The following TXLNA variants were observed in gnomAD, a reference collection of about 807,000 sequenced individuals.
TXLNA encodes the protein taxilin alpha, also known as alpha-taxilin.
Under a neutral mutation model 61.4 loss-of-function variants are expected in TXLNA, and 9 were observed. That is an observed-to-expected ratio of 0.15 (90% confidence interval 0.09 to 0.26). TXLNA has a LOEUF of 0.26. TXLNA is among the 10% of genes least tolerant of loss of function. The probability of loss-of-function intolerance (pLI) is 1.00; values close to 1 mark genes in which losing one functional copy is unlikely to be tolerated. For synonymous variants in TXLNA, 257 were observed against 267.7 expected, an observed-to-expected ratio of 0.96 and a Z score of 0.39; for missense variants, 565 against 688.8, an observed-to-expected ratio of 0.82 and a Z score of 2.01.
At chr1:32,187,529 C>T (rs182234227) in intron 4 of TXLNA, among the ~76,000 whole-genome samples, 3 of 152,102 alleles carry the variant, frequency 2.0e-5, no homozygotes, top group African/African-American at 7.2e-5. Context: ...ATGAACGCAG[C>T]GCTAACGTTT....
intron 4 of TXLNA, 127 bp from the exon 5 acceptor site, chr1:32,187,827 T>G: frequency 2.0e-6 from 2 of 999,938 alleles, no homozygotes; most frequent in Non-Finnish European, 1.5e-6. Flanking sequence ...CATCAGCCCA[T>G]GAGAGTGCTC....
In TXLNA at chr1:32,193,580, G is replaced by T. The variant is rs532234164; in HGVS notation, c.1251+280G>T. ...TGTTTGAGATGGAGACTCACCTATT[G>T]CCCAGGCTGGAGTGCAGTGGCATGA... On this transcript the variant is annotated intron_variant, in intron 9 of 10. Transcript: ENST00000373610. Among the ~76,000 whole-genome samples, 3 of 152,010 alleles carry T rather than the reference G, an allele frequency of 2.0e-5. No individual in the cohort carries two copies. In the East Asian group the frequency reaches 5.8e-4, roughly 29 times the overall value.
At position 32,197,824 on chromosome 1, in the gene TXLNA, T is replaced by A. The variant is rs926003161; in HGVS notation, c.*2629T>A. 6.6e-6 allele frequency: 1 copy of A among 152,178 alleles called. No homozygotes were observed. Among genetic ancestry groups the A allele is most frequent in the Admixed American group, 6.5e-5 (1 of 15,278 alleles). 9.4% of individuals were successfully genotyped at this position (152,178 alleles called of 1,614,324 possible). A position where few individuals can be genotyped will look rare whatever the true frequency, so the allele number is the denominator to read the frequency against. On this transcript the variant is annotated 3_prime_UTR_variant, in exon 11 of 11. Coordinates refer to ENST00000373610, the MANE Select transcript of TXLNA (RefSeq NM_175852.4). This position sits in a 1 kb window ranked among gnomAD's most constrained non-coding sequence, Gnocchi z 4.6. ...AGGTGTCAGCAGCACTTTTTTTTTT[T>A]ATTTGTTGTTTGTTTTCCATGAGGT...
In TXLNA at chr1:32,180,361, A is replaced by C. The variant is rs765084744; in HGVS notation, c.16A>C (p.Lys6Gln). The C allele has an allele frequency of 2.2e-5, 35 of 1,611,780 alleles. No individual in the cohort carries two copies. The highest frequency in any genetic ancestry group is 5.1e-5 in the Admixed American group (3 of 59,208). The change falls in exon 2 of 11, where the codon AAA (lysine) becomes CAA (glutamine). Residue 6 changes from lysine (K) to glutamine (Q), a missense_variant. Lys to Gln is a moderately conservative substitution (Grantham distance 53). This residue lies in a region of TXLNA where 192 missense variants were observed against 184.8 expected (regional missense o/e 1.04). Coordinates refer to ENST00000373610, the MANE Select transcript of TXLNA (RefSeq NM_175852.4). ...GCTCATCACAATGAAGAACCAAGACAAAAAGAACGGGGCTGCCAAACAATC... is the reference window on the plus strand; with the variant it reads ...GCTCATCACAATGAAGAACCAAGACCAAAAGAACGGGGCTGCCAAACAATC... MKNQD[K>Q]KNGAAKQSNP...
chr1:32,190,932 A>C (rs1195350152), intron 6 of TXLNA, among the ~76,000 whole-genome samples: 1 of 152,068 alleles, frequency 6.6e-6, no homozygotes, highest in African/African-American at 2.4e-5. Flanking sequence ...GTCTCTACTA[A>C]AAATACAAAA....
At chr1:32,184,293 T>C (rs900460345) in intron 3 of TXLNA, among the ~76,000 whole-genome samples, 8 of 152,178 alleles carry the variant, frequency 5.3e-5, no homozygotes, top group Admixed American at 3.3e-4. Context: ...GTACAGTCGT[T>C]CATTTGATAA....
In TXLNA at chr1:32,187,945, T is replaced by C. The variant is rs772189253; in HGVS notation, c.598-9T>C. The stretch of plus-strand genomic sequence containing the variant: ...GATGCTCACCTGCCCTCCCTATCCC[T>C]GTCCCCAGCTGGAGGAGCACCGGAA... On this transcript the variant is annotated splice_polypyrimidine_tract_variant and intron_variant, in intron 4 of 10. Transcript: ENST00000373610. The C allele has an allele frequency of 6.2e-7, 1 of 1,612,826 alleles. No individual in the cohort carries two copies. Among genetic ancestry groups the C allele is most frequent in the South Asian group, 1.1e-5 (1 of 90,844 alleles).
rs1280142500 is a variant in TXLNA at position 32,190,210 on chromosome 1, G to T, written c.924G>T (p.Arg308Ser). The T allele has an allele frequency of 6.2e-7, 1 of 1,605,636 alleles. No individual in the cohort carries two copies. Residue 308 changes from arginine to serine, a missense_variant, in exon 6 of 11, where the codon AGG becomes AGT. Arg to Ser is a moderately radical substitution (Grantham distance 110, BLOSUM62 -1). This residue lies in a region of TXLNA where 373 missense variants were observed against 504.0 expected (regional missense o/e 0.74). Transcript: ENST00000373610. ...LRQENMELAE[R>S]LKKLIEQYEL... is the part of the protein sequence containing the mutation. ...AAGAGAACATGGAGCTGGCTGAGAG[G>T]CTCAAGAAGCTGATTGAGCAGTATG...
chr1:32,180,525 G>C lies in TXLNA; in HGVS notation c.169+11G>C, dbSNP rs1224975457. ...CTCGGAAGCCGGAGGGTGTGTGCCA[G>C]CTCTGCGTTGCCAGCGGGCAGGGGG... is the stretch of plus-strand genomic sequence containing the variant. On this transcript the variant is annotated intron_variant, in intron 2 of 10. Transcript: ENST00000373610. The C allele has an allele frequency of 5.0e-6, 8 of 1,585,418 alleles. No homozygotes were observed.
chr1:32,187,805 G>A, intron 4 of TXLNA, 149 bp from the exon 5 acceptor site: 1 of 778,660 alleles, frequency 1.3e-6, no homozygotes, highest in South Asian at 2.2e-5. Flanking sequence ...GAGCGTGTAA[G>A]CACCGGCACA....
intron 4 of TXLNA, 113 bp from the exon 5 acceptor site, chr1:32,187,841 G>A (rs1214705261): frequency 5.0e-6 from 6 of 1,195,686 alleles, no homozygotes; most frequent in Non-Finnish European, 7.0e-6. Context: ...AGTGCTCCTG[G>A]CCTGAGAGGG....
At chr1:32,184,866 CCTG>C (rs1642747056) in intron 4 of TXLNA, among the ~76,000 whole-genome samples, 1 of 152,194 alleles carries the variant, frequency 6.6e-6, no homozygotes, top group Non-Finnish European at 1.5e-5. Flanking sequence ...TTGTTCCTGG[CCTG>C]AGTCCAAGAC....
In TXLNA at chr1:32,192,084, C is replaced by G. The variant is rs115786382; in HGVS notation, c.964-227C>G. Among the ~76,000 whole-genome samples the G allele has an allele frequency of 2.6e-3, 393 of 152,346 alleles. 1 individual carries two copies. Among genetic ancestry groups the G allele is most frequent in the African/African-American group, 9.2e-3 (384 of 41,572 alleles). On this transcript the variant is annotated intron_variant, in intron 6 of 10. Transcript: ENST00000373610. This position sits in a 1 kb window ranked among gnomAD's most constrained non-coding sequence, Gnocchi z 4.2. The stretch of plus-strand genomic sequence containing the variant: ...TGCCTTCTTGGGAGCAGATTCCATC[C>G]ATAAACCATGTGCTTACCAAGGTCT...
Position 32,191,642 on chromosome 1 carries a change from C to T in TXLNA, c.964-669C>T, listed in dbSNP as rs545228536. ...GCCCTGCTGCTTTGCATTTACAGCCCTCCCCAGACAGACACAGGCACCCTC... is the reference window on the plus strand; with the variant it reads ...GCCCTGCTGCTTTGCATTTACAGCCTTCCCCAGACAGACACAGGCACCCTC... On this transcript the variant is annotated intron_variant, in intron 6 of 10. Coordinates refer to ENST00000373610, the MANE Select transcript of TXLNA (RefSeq NM_175852.4). 3.9e-5 allele frequency among the ~76,000 whole-genome samples: 6 copies of T among 152,306 alleles called. No homozygotes were observed. In the East Asian group the frequency reaches 7.7e-4, roughly 20 times the overall value.
intron 4 of TXLNA, 98 bp from the exon 5 acceptor site, chr1:32,187,856 G>A (rs1569613450): frequency 7.3e-7 from 1 of 1,364,858 alleles, no homozygotes; most frequent in African/African-American, 1.4e-5. Flanking sequence ...AGAGGGTAAG[G>A]GTCAGGGCAG....
chr1:32,181,499 G>A lies in TXLNA; in HGVS notation c.427G>A (p.Glu143Lys). Residue 143 changes from glutamate to lysine, a missense_variant, in exon 3 of 11, where the codon GAA (glutamate) becomes AAA (lysine). Coordinates refer to ENST00000373610, the MANE Select transcript of TXLNA (RefSeq NM_175852.4). ...KEPSKGDPNT[E>K]EIRQSDEVGD... ...ACCCTCCAAGGGGGATCCAAACACA[G>A]AAGAGATCCGGCAGAGTGACGAGGT... The A allele has an allele frequency of 6.2e-7, 1 of 1,607,852 alleles. No homozygotes were observed. Among genetic ancestry groups the A allele is most frequent in the South Asian group, 1.1e-5 (1 of 90,308 alleles).
intron 4 of TXLNA, 144 bp from the exon 5 acceptor site, chr1:32,187,810 G>A (rs1050714084): frequency 1.5e-5 from 12 of 814,564 alleles, no homozygotes; most frequent in African/African-American, 6.9e-5. Flanking sequence ...TGTAAGCACC[G>A]GCACAGCATC....
chr1:32,185,383 T>C (rs900654809), intron 4 of TXLNA, among the ~76,000 whole-genome samples: 1 of 128,936 alleles, frequency 7.8e-6, no homozygotes, highest in African/African-American at 2.7e-5. Context: ...TGTATGTATG[T>C]ATGTATTTAT....
At position 32,196,525 on chromosome 1, in the gene TXLNA, T is replaced by G. The variant is rs1432034880; in HGVS notation, c.*1330T>G. On this transcript the variant is annotated 3_prime_UTR_variant, in exon 11 of 11. Coordinates refer to ENST00000373610, the MANE Select transcript of TXLNA (RefSeq NM_175852.4). Reference sequence around the variant, plus strand: ...CATAAAATGGCTGCAGACAGTTGTTTCTGTGTCCTGTTCTACCCCCACTCC... The same window carrying G: ...CATAAAATGGCTGCAGACAGTTGTTGCTGTGTCCTGTTCTACCCCCACTCC... The G allele has an allele frequency of 1.3e-5, 2 of 152,286 alleles. No individual in the cohort carries two copies. The highest frequency in any genetic ancestry group is 4.8e-5 in the African/African-American group (2 of 41,452). 9.4% of individuals were successfully genotyped at this position (152,286 alleles called of 1,614,324 possible). A position where few individuals can be genotyped will look rare whatever the true frequency, so the allele number is the denominator to read the frequency against.
Sources: gnomAD v4.1 joint callset for allele counts (sites outside exome capture counted in the v4.1 genomes callset) on GRCh38, gnomAD v4.1.1 for gene constraint, gnomAD v4.1.1 regional missense constraint, Gnocchi (gnomAD v3.1) non-coding constraint, MANE v1.5 for transcripts, NCBI Gene and HGNC (gene_info 2026-07-23, HGNC 2026-07-21) for gene names.